Variants in ADGB observed in about 807,000 individuals in gnomAD.
ADGB encodes the protein androglobin.
Under a neutral mutation model 210.5 loss-of-function variants are expected in ADGB, and 172 were observed. The ratio of observed to expected loss-of-function variants is 0.82; its 90% CI spans 0.72 to 0.93. The LOEUF (loss-of-function observed/expected upper bound fraction) is 0.93, where lower values mean the gene tolerates loss of function less well. ADGB is among the 40% of genes least tolerant of loss of function. The pLI is 0.00. For missense variants in ADGB, 2,025 were observed against 1,964.8 expected, an observed-to-expected ratio of 1.03 and a Z score of -0.58; for synonymous variants, 658 against 662.7, an observed-to-expected ratio of 0.99 and a Z score of 0.11.
At position 146,679,371 on chromosome 6, in the gene ADGB, T is replaced by C. The variant is rs572251198; in HGVS notation, c.1216+2930T>C. On this transcript the variant is annotated intron_variant, in intron 9 of 35. Coordinates refer to ENST00000397944, the MANE Select transcript of ADGB (RefSeq NM_024694.4). ...TAAAATATCCAGGATCTCCAAGTCA[T>C]GTACATGCACACACATGCTTACAGA... 7.2e-5 allele frequency among the ~76,000 whole-genome samples: 11 copies of C among 152,324 alleles called. No homozygotes were observed. In the South Asian group the frequency reaches 2.1e-3, roughly 29 times the overall value.
At chr6:146,749,522 C>G (rs1187888511) in intron 26 of ADGB, among the ~76,000 whole-genome samples, 5 of 152,050 alleles carry the variant, frequency 3.3e-5, no homozygotes, top group African/African-American at 1.2e-4. Context: ...AAATCAGGGT[C>G]CAGTCAACAC....
intron 13 of ADGB, among the ~76,000 whole-genome samples, chr6:146,710,020 T>A (rs1048007612): frequency 6.6e-6 from 1 of 152,072 alleles, no homozygotes; most frequent in South Asian, 2.1e-4. Context: ...TATTGTGTCT[T>A]TGTATAAACA....
chr6:146,748,695 A>C (rs1777278180), intron 26 of ADGB, among the ~76,000 whole-genome samples: 2 of 151,784 alleles, frequency 1.3e-5, no homozygotes, highest in Non-Finnish European at 2.9e-5. Context: ...CAATCCTCTC[A>C]CCTCACCATA....
chr6:146,737,726 A>G (rs552645082), intron 23 of ADGB, among the ~76,000 whole-genome samples: 1 of 152,124 alleles, frequency 6.6e-6, no homozygotes, highest in African/African-American at 2.4e-5. Context: ...TCCTACACCT[A>G]ATTTTCATGA....
intron 5 of ADGB, among the ~76,000 whole-genome samples, chr6:146,659,706 G>T (rs886212686): frequency 4.6e-5 from 7 of 152,114 alleles, no homozygotes; most frequent in African/African-American, 1.7e-4. Flanking sequence ...TTAAGAACAG[G>T]GTTGTGACAC....
intron 10 of ADGB, among the ~76,000 whole-genome samples, chr6:146,687,098 G>T (rs1776243495): frequency 6.6e-6 from 1 of 151,996 alleles, no homozygotes; most frequent in Non-Finnish European, 1.5e-5. Flanking sequence ...TTCATAAGAG[G>T]ATTATGTGCC....
intron 10 of ADGB, among the ~76,000 whole-genome samples, chr6:146,687,482 A>G (rs1776248430): frequency 6.6e-6 from 1 of 152,136 alleles, no homozygotes; most frequent in Admixed American, 6.6e-5. Flanking sequence ...GAATGAGATC[A>G]TGTCCTTTTC....
chr6:146,774,034 C>T (rs368578523), intron 29 of ADGB, among the ~76,000 whole-genome samples: 77 of 152,110 alleles, frequency 5.1e-4, no homozygotes, highest in African/African-American at 1.5e-3. Context: ...TAAACTCCAT[C>T]TAGGGCTTTG....
At chr6:146,647,105 C>CAAAAAAAAAAAAAA (rs71552951) in intron 3 of ADGB, among the ~76,000 whole-genome samples, 1 of 136,412 alleles carries the variant, frequency 7.3e-6, no homozygotes, top group African/African-American at 2.8e-5. Flanking sequence ...AAACAAAAAA[C>CAAAAAAAAAAAAAA]AAAAAACAAA....
At position 146,717,600 on chromosome 6, in the gene ADGB, G is replaced by A. The variant is rs1219302082; in HGVS notation, c.1992+1G>A. ...TAACTTTCAAAAATCAGAATTTAAG[G>A]TAAGTATGTTAGAATCTTTTCTATT... On this transcript the variant is annotated splice_donor_variant, in intron 16 of 35. Coordinates refer to ENST00000397944, the MANE Select transcript of ADGB (RefSeq NM_024694.4). LOFTEE classifies it high-confidence loss of function. 1 of 1,396,056 alleles carries A rather than the reference G, an allele frequency of 7.2e-7. No individual in the cohort carries two copies. The highest frequency in any genetic ancestry group is 1.8e-4 in the Middle Eastern group (1 of 5,590). 86.5% of individuals were successfully genotyped at this position (1,396,056 alleles called of 1,614,324 possible). A position where few individuals can be genotyped will look rare whatever the true frequency, so the allele number is the denominator to read the frequency against.
intron 21 of ADGB, 46 bp from the exon 22 acceptor site, chr6:146,733,847 G>A (rs1376804122): frequency 6.5e-7 from 1 of 1,549,490 alleles, no homozygotes; most frequent in Non-Finnish European, 8.7e-7. Flanking sequence ...CTTAGGGAAG[G>A]GATTAAATAT....
chr6:146,810,254 C>T lies in ADGB; in HGVS notation c.4819-4778C>T, dbSNP rs531371389. ...AGAGAAATGCAAATCAAAACAATGA[C>T]ATCTCACCTCACACCTGTTAAGATG... On this transcript the variant is annotated intron_variant, in intron 35 of 35. Coordinates refer to ENST00000397944, the MANE Select transcript of ADGB (RefSeq NM_024694.4). 2.0e-5 allele frequency among the ~76,000 whole-genome samples: 3 copies of T among 152,212 alleles called. No individual in the cohort carries two copies. In the South Asian group the frequency reaches 6.2e-4, roughly 32 times the overall value.
intron 19 of ADGB, among the ~76,000 whole-genome samples, chr6:146,727,015 C>A (rs756614388): frequency 6.6e-6 from 1 of 151,910 alleles, no homozygotes; most frequent in Non-Finnish European, 1.5e-5. Flanking sequence ...TCTGTTCTGA[C>A]GGGGTCTGAA....
chr6:146,725,048 T>C (rs1215418093), intron 18 of ADGB: 1 of 152,188 alleles, frequency 6.6e-6, no homozygotes, highest in Non-Finnish European at 1.5e-5. Context: ...AAGCAAAGCC[T>C]CAGCAACAAA....
intron 8 of ADGB, among the ~76,000 whole-genome samples, chr6:146,674,453 T>G (rs1383615280): frequency 6.6e-6 from 1 of 152,070 alleles, no homozygotes; most frequent in South Asian, 2.1e-4. Context: ...ACCCCAGCTA[T>G]AAGGGGATTG....
At chr6:146,685,153 A>G (rs1307136571) in intron 9 of ADGB, among the ~76,000 whole-genome samples, 1 of 152,084 alleles carries the variant, frequency 6.6e-6, no homozygotes, top group African/African-American at 2.4e-5. Flanking sequence ...TAAAATAATC[A>G]AATAGAATAA....
Position 146,782,004 on chromosome 6 carries a change from T to C in ADGB, c.3863-16T>C. On this transcript the variant is annotated splice_polypyrimidine_tract_variant and intron_variant, in intron 29 of 35. Coordinates refer to ENST00000397944, the MANE Select transcript of ADGB (RefSeq NM_024694.4). ...TATATTATGACTCACCATTTTTTAT[T>C]TTTATGTCTCTCTAGCTTATGGTGA... is the stretch of plus-strand genomic sequence containing the variant. The C allele has an allele frequency of 1.4e-6, 2 of 1,434,872 alleles. No individual in the cohort carries two copies. Among genetic ancestry groups the C allele is most frequent in the Non-Finnish European group, 9.1e-7 (1 of 1,096,358 alleles). The allele number at this position is 1,434,872 out of a possible 1,614,324, so 88.9% of individuals were successfully genotyped here.
intron 10 of ADGB, among the ~76,000 whole-genome samples, chr6:146,686,784 A>C (rs1358837822): frequency 1.3e-5 from 2 of 152,116 alleles, no homozygotes; most frequent in African/African-American, 4.8e-5. Context: ...CTAGGATTTC[A>C]TAGTCTGAAG....
chr6:146,755,471 T>A (rs1777393875), intron 27 of ADGB, among the ~76,000 whole-genome samples: 1 of 151,952 alleles, frequency 6.6e-6, no homozygotes, highest in South Asian at 2.1e-4. Context: ...TTATAAGGGG[T>A]TTTCTCCCCC....
Sources: allele counts gnomAD v4.1 joint callset (sites outside exome capture counted in the v4.1 genomes callset), GRCh38; gene constraint gnomAD v4.1.1; transcripts MANE v1.5; gene names NCBI Gene and HGNC (gene_info 2026-07-23, HGNC 2026-07-21).